EPHA5: variants seen among roughly 807,000 people sequenced by gnomAD.
The protein encoded by EPHA5 is ephrin type-A receptor 5.
EPHA5 carries 60 observed loss-of-function variants against 105.0 expected under a neutral mutation model. The observed-to-expected ratio is 0.57, with a 90% CI of 0.46 to 0.71. The LOEUF is 0.71. Among genes scored for constraint, EPHA5 ranks in the 30% least tolerant of loss-of-function variants. The pLI is 0.00. For synonymous variants in EPHA5, 513 were observed against 449.1 expected, an observed-to-expected ratio of 1.14 and a Z score of -1.80; for missense variants, 1,218 against 1,274.7, an observed-to-expected ratio of 0.96 and a Z score of 0.68.
intron 14 of EPHA5, among the ~76,000 whole-genome samples, chr4:65,341,135 T>C (rs1721677303): frequency 6.6e-6 from 1 of 152,150 alleles, no homozygotes; most frequent in African/African-American, 2.4e-5. Flanking sequence ...CTTGGAGGGC[T>C]GGAGGGCCTA....
intron 3 of EPHA5, among the ~76,000 whole-genome samples, chr4:65,528,466 A>T (rs1258401441): frequency 6.6e-6 from 1 of 152,098 alleles, no homozygotes; most frequent in African/African-American, 2.4e-5. Context: ...TTAAGAGAAA[A>T]AAAAAGTCGT....
At chr4:65,338,471 CT>C (rs550204699) in intron 14 of EPHA5, among the ~76,000 whole-genome samples, 2 of 150,736 alleles carry the variant, frequency 1.3e-5, no homozygotes, top group East Asian at 2.0e-4. Flanking sequence ...CTTTAGCACC[CT>C]TTTTTTTTCA....
intron 5 of EPHA5, among the ~76,000 whole-genome samples, chr4:65,435,515 A>T (rs1725393180): frequency 6.6e-6 from 1 of 152,108 alleles, no homozygotes; most frequent in Admixed American, 6.6e-5. Context: ...GAGAGCTAGG[A>T]TATCTAATTA....
chr4:65,608,661 T>C (rs139671400), intron 2 of EPHA5, among the ~76,000 whole-genome samples: 2 of 152,260 alleles, frequency 1.3e-5, no homozygotes, highest in South Asian at 2.1e-4. Context: ...TTGAAAGATA[T>C]TGTGTGCTAA....
chr4:65,551,372 A>G (rs796171409), intron 3 of EPHA5, among the ~76,000 whole-genome samples: 1 of 151,830 alleles, frequency 6.6e-6, no homozygotes, highest in East Asian at 1.9e-4. Flanking sequence ...TTTCATAATT[A>G]CCCTAAGGGA....
At chr4:65,488,484 A>G (rs1731093704) in intron 5 of EPHA5, among the ~76,000 whole-genome samples, 1 of 152,186 alleles carries the variant, frequency 6.6e-6, no homozygotes, top group African/African-American at 2.4e-5. Context: ...ACATGGGAAG[A>G]GAGTTCACAT....
At chr4:65,658,265 G>T (rs1749245379) in intron 1 of EPHA5, among the ~76,000 whole-genome samples, 1 of 152,054 alleles carries the variant, frequency 6.6e-6, no homozygotes. Flanking sequence ...TTCACCGCAG[G>T]AGCTTGGAGT....
At chr4:65,461,055 C>T (rs532270417) in intron 5 of EPHA5, among the ~76,000 whole-genome samples, 1 of 151,978 alleles carries the variant, frequency 6.6e-6, no homozygotes, top group East Asian at 1.9e-4. Context: ...ACTACACTTT[C>T]ATTTAAATCA....
intron 3 of EPHA5, chr4:65,573,731 T>A (rs997283576): frequency 2.5e-5 from 40 of 1,602,234 alleles, no homozygotes; most frequent in Non-Finnish European, 3.1e-5. Context: ...TTCTTGCAAC[T>A]GTTACAAAAC....
chr4:65,665,471 C>T (rs939393181), intron 1 of EPHA5, among the ~76,000 whole-genome samples: 3 of 152,042 alleles, frequency 2.0e-5, no homozygotes, highest in Non-Finnish European at 4.4e-5. Context: ...TACAAAAACA[C>T]ATACTCTAAG....
At chr4:65,628,640 C>A (rs551947748) in intron 2 of EPHA5, among the ~76,000 whole-genome samples, 23 of 152,290 alleles carry the variant, frequency 1.5e-4, no homozygotes, top group African/African-American at 5.5e-4. Flanking sequence ...ATTATTCAAT[C>A]TGGCATCATA....
chr4:65,376,404 T>C (rs776448606), intron 8 of EPHA5, among the ~76,000 whole-genome samples: 2 of 152,070 alleles, frequency 1.3e-5, no homozygotes, highest in Non-Finnish European at 2.9e-5. Flanking sequence ...ATTAAGAGTA[T>C]GCCATTTGGG....
chr4:65,392,855 T>C (rs10029826), intron 8 of EPHA5, among the ~76,000 whole-genome samples: 84,967 of 151,908 alleles, frequency 0.56, 24,264 homozygotes, highest in East Asian at 0.75. Flanking sequence ...CAATAACTTA[T>C]GAGTTATTTA....
chr4:65,605,262 G>C (rs1744115766), intron 2 of EPHA5, among the ~76,000 whole-genome samples: 1 of 152,168 alleles, frequency 6.6e-6, no homozygotes, highest in Admixed American at 6.5e-5. Flanking sequence ...ATTCATCAGA[G>C]AAGGGTCGGG....
In EPHA5 at chr4:65,591,748, C is replaced by T. The variant is rs553221220; in HGVS notation, c.910+9893G>A. Reference sequence around the variant, plus strand: ...AGAAGATGGAAAAGAAAAATCACAGCTTTTCTTCTGTTCATTACAATGTTA... The same window carrying T: ...AGAAGATGGAAAAGAAAAATCACAGTTTTTCTTCTGTTCATTACAATGTTA... On this transcript the variant is annotated intron_variant, in intron 3 of 16. Transcript: ENST00000613740. Among the ~76,000 whole-genome samples, 1,088 of 152,012 alleles carry T rather than the reference C, an allele frequency of 7.2e-3. 4 individuals carry two copies. The highest frequency in any genetic ancestry group is 0.014 in the Middle Eastern group (4 of 294).
intron 16 of EPHA5, among the ~76,000 whole-genome samples, chr4:65,330,206 T>C (rs1320846968): frequency 1.3e-5 from 2 of 151,326 alleles, no homozygotes; most frequent in African/African-American, 2.4e-5. Context: ...AGACAAATGT[T>C]TGAATAAAGG....
intron 5 of EPHA5, among the ~76,000 whole-genome samples, chr4:65,443,905 C>CTGTGTGTG (rs57129731): frequency 0.011 from 1,597 of 149,990 alleles, 20 homozygotes; most frequent in East Asian, 0.061. Context: ...GTTTGTGTGC[C>CTGTGTGTG]TGTGTGTGTG....
At chr4:65,332,762 C>A (rs990637359) in intron 15 of EPHA5, among the ~76,000 whole-genome samples, 1 of 151,796 alleles carries the variant, frequency 6.6e-6, no homozygotes, top group Non-Finnish European at 1.5e-5. Context: ...AGATATACTA[C>A]TCTTTGTTTA....
chr4:65,657,251 C>T (rs76909585), intron 1 of EPHA5, among the ~76,000 whole-genome samples: 5,399 of 151,890 alleles, frequency 0.036, 311 homozygotes, highest in African/African-American at 0.12. Flanking sequence ...GAAATTTAAA[C>T]CATTTAGAAA....
Sources: allele counts gnomAD v4.1 joint callset (sites outside exome capture counted in the v4.1 genomes callset), GRCh38; gene constraint gnomAD v4.1.1; transcripts MANE v1.5; gene names NCBI Gene and HGNC (gene_info 2026-07-23, HGNC 2026-07-21).